GRIN3A: variants seen among roughly 807,000 people sequenced by gnomAD.
The protein encoded by GRIN3A is glutamate receptor ionotropic, NMDA 3A.
A neutral mutation model predicts 92.4 loss-of-function variants in GRIN3A; 47 were observed. The ratio of observed to expected loss-of-function variants is 0.51; its 90% CI spans 0.40 to 0.65. The LOEUF is 0.65. Ranked by LOEUF, GRIN3A falls within the 30% of genes least tolerant of loss-of-function variation. The probability of loss-of-function intolerance (pLI) is 0.00; values close to 1 mark genes in which losing one functional copy is unlikely to be tolerated. For synonymous variants in GRIN3A, 527 were observed against 540.6 expected (o/e 0.97, Z 0.35); for missense variants, 1,324 against 1,393.1 (o/e 0.95, Z 0.79).
rs766019737 is a variant in GRIN3A at position 101,737,902 on chromosome 9, G to C, written c.78C>G (p.Ala26=). 2.6e-6 allele frequency: 4 copies of C among 1,535,030 alleles called. No individual in the cohort carries two copies. The highest frequency in any genetic ancestry group is 2.4e-5 in the South Asian group (2 of 84,046). ...GGTGCGAGGAGGAGCTGGGCACCCCGGCCAGCACCAGTGCGCAGGGCGGCG... is the reference window on the plus strand; with the variant it reads ...GGTGCGAGGAGGAGCTGGGCACCCCCGCCAGCACCAGTGCGCAGGGCGGCG... The part of the protein sequence containing the change: ...LLPPPCALVL[A]GVPSSSSHPQ... Residue 26 remains alanine (A), a synonymous_variant, in exon 1 of 9, where the codon GCC becomes GCG. Transcript: ENST00000361820.
intron 3 of GRIN3A, among the ~76,000 whole-genome samples, chr9:101,665,339 G>C (rs911901884): frequency 6.6e-6 from 1 of 151,830 alleles, no homozygotes; most frequent in Non-Finnish European, 1.5e-5. Context: ...ATTATCTCAA[G>C]ATAACCAAAG....
In GRIN3A at chr9:101,570,570, A is replaced by G. The variant is rs1827745268; in HGVS notation, c.*2604T>C. On this transcript the variant is annotated 3_prime_UTR_variant, in exon 9 of 9. Coordinates refer to ENST00000361820, the MANE Select transcript of GRIN3A (RefSeq NM_133445.3). ...TCAGAACATAGAGGCATTTCAAGCA[A>G]TGTTGATGGCAGTAAGCCTGCTGTC... 6.5e-6 allele frequency: 1 copy of G among 152,672 alleles called. No individual in the cohort carries two copies. Among genetic ancestry groups the G allele is most frequent in the Non-Finnish European group, 1.5e-5 (1 of 68,038 alleles). 9.5% of individuals were successfully genotyped at this position (152,672 alleles called of 1,614,324 possible). A position where few individuals can be genotyped will look rare whatever the true frequency, so the allele number is the denominator to read the frequency against.
At chr9:101,579,713 T>C (rs1827866425) in intron 6 of GRIN3A, among the ~76,000 whole-genome samples, 1 of 152,220 alleles carries the variant, frequency 6.6e-6, no homozygotes, top group African/African-American at 2.4e-5. Context: ...CATGCCTCAG[T>C]TGTCCCTTCC....
chr9:101,713,510 A>G (rs1229267476), intron 1 of GRIN3A, among the ~76,000 whole-genome samples: 1 of 152,224 alleles, frequency 6.6e-6, no homozygotes, highest in African/African-American at 2.4e-5. Flanking sequence ...GGAACTGTGT[A>G]TCAGAAAGCA....
intron 3 of GRIN3A, among the ~76,000 whole-genome samples, chr9:101,669,318 A>G (rs982871103): frequency 1.3e-5 from 2 of 152,020 alleles, no homozygotes; most frequent in East Asian, 3.9e-4. Flanking sequence ...TCCTTACCTA[A>G]GTATTACCTG....
At chr9:101,676,696 T>C (rs1829400390) in intron 2 of GRIN3A, among the ~76,000 whole-genome samples, 1 of 152,064 alleles carries the variant, frequency 6.6e-6, no homozygotes, top group South Asian at 2.1e-4. Flanking sequence ...TTACTGAGTT[T>C]ACTTGTCAGG....
intron 6 of GRIN3A, among the ~76,000 whole-genome samples, chr9:101,606,465 C>G (rs1432655735): frequency 1.3e-5 from 2 of 152,166 alleles, no homozygotes; most frequent in Admixed American, 1.3e-4. Flanking sequence ...AAGCCCTCTC[C>G]TATTTCTCCC....
intron 6 of GRIN3A, among the ~76,000 whole-genome samples, chr9:101,587,045 C>G (rs974956063): frequency 1.3e-5 from 2 of 152,150 alleles, no homozygotes; most frequent in Non-Finnish European, 2.9e-5. Flanking sequence ...CGCAGTGGCT[C>G]ACGCCTGTAA....
intron 5 of GRIN3A, among the ~76,000 whole-genome samples, chr9:101,619,309 A>G (rs959572928): frequency 6.6e-6 from 1 of 152,174 alleles, no homozygotes; most frequent in Non-Finnish European, 1.5e-5. Flanking sequence ...CCCAACTATA[A>G]AGGTACTATA....
chr9:101,697,155 GTATA>G (rs1829695657), intron 1 of GRIN3A, among the ~76,000 whole-genome samples: 2 of 152,106 alleles, frequency 1.3e-5, no homozygotes, highest in African/African-American at 4.8e-5. Context: ...AATAGTATTA[GTATA>G]ACATTAAGCA....
chr9:101,591,549 T>A (rs933151276), intron 6 of GRIN3A: 6 of 152,212 alleles, frequency 3.9e-5, no homozygotes, highest in African/African-American at 1.4e-4. Context: ...GGCACCAGAC[T>A]CACAGTGTTG....
At chr9:101,695,932 A>AACACTG (rs1829678817) in intron 1 of GRIN3A, among the ~76,000 whole-genome samples, 1 of 152,150 alleles carries the variant, frequency 6.6e-6, no homozygotes, top group East Asian at 1.9e-4. Flanking sequence ...TGCCAGTGTT[A>AACACTG]GGTACTTGCT....
intron 4 of GRIN3A, among the ~76,000 whole-genome samples, chr9:101,626,148 G>A (rs1218883969): frequency 6.6e-6 from 1 of 152,112 alleles, no homozygotes; most frequent in Non-Finnish European, 1.5e-5. Flanking sequence ...GGTTCACAGG[G>A]CCCCCAATGG....
intron 1 of GRIN3A, among the ~76,000 whole-genome samples, chr9:101,708,240 T>G (rs1485927139): frequency 6.6e-6 from 1 of 152,216 alleles, no homozygotes; most frequent in Non-Finnish European, 1.5e-5. Context: ...ATCTTGATTT[T>G]AAGACTTGAA....
At position 101,635,107 on chromosome 9, in the gene GRIN3A, C is replaced by A. The variant is rs191408655; in HGVS notation, c.2353-6706G>T. Among the ~76,000 whole-genome samples the A allele has an allele frequency of 5.4e-4, 82 of 152,282 alleles. 1 individual carries two copies. Among genetic ancestry groups the A allele is most frequent in the Admixed American group, 5.2e-4 (8 of 15,296 alleles). ...AATTTAAGCAGTTTGCTGCCTCTCC[C>A]TTCTTCTTTCTGAAGCCGTCTACGT... On this transcript the variant is annotated intron_variant, in intron 3 of 8. Transcript: ENST00000361820.
rs118128694 is a variant in GRIN3A at position 101,627,500 on chromosome 9, A to T, written c.2498+756T>A. 8.6e-3 allele frequency among the ~76,000 whole-genome samples: 1,308 copies of T among 152,278 alleles called. 16 individuals are homozygous for T. Among genetic ancestry groups the T allele is most frequent in the Non-Finnish European group, 0.014 (948 of 68,022 alleles). The stretch of plus-strand genomic sequence containing the variant: ...GAAACCAGTTTCCTGATGCTGCACA[A>T]TTCTAGGAATTGGAGGTGTGGATGT... On this transcript the variant is annotated intron_variant, in intron 4 of 8. Coordinates refer to ENST00000361820, the MANE Select transcript of GRIN3A (RefSeq NM_133445.3).
At chr9:101,718,918 G>A (rs554747189) in intron 1 of GRIN3A, among the ~76,000 whole-genome samples, 1 of 152,194 alleles carries the variant, frequency 6.6e-6, no homozygotes, top group South Asian at 2.1e-4. Context: ...CATTAATGTT[G>A]TCATGAAAAG....
At chr9:101,665,179 A>G (rs1024948893) in intron 3 of GRIN3A, among the ~76,000 whole-genome samples, 1 of 151,980 alleles carries the variant, frequency 6.6e-6, no homozygotes, top group African/African-American at 2.4e-5. Context: ...AGTAGATAGA[A>G]CTTTGGGGAG....
At chr9:101,637,547 G>A (rs1414074004) in intron 3 of GRIN3A, among the ~76,000 whole-genome samples, 1 of 152,076 alleles carries the variant, frequency 6.6e-6, no homozygotes, top group Admixed American at 6.6e-5. Flanking sequence ...TAACAATACA[G>A]GTAGTTTCCA....
Sources: gnomAD v4.1 joint callset for allele counts (sites outside exome capture counted in the v4.1 genomes callset) on GRCh38, gnomAD v4.1.1 for gene constraint, MANE v1.5 for transcripts, NCBI Gene and HGNC (gene_info 2026-07-23, HGNC 2026-07-21) for gene names.